CD320: variants seen among roughly 807,000 people sequenced by gnomAD.
CD320 encodes the protein CD320 antigen.
Under a neutral mutation model 22.1 loss-of-function variants are expected in CD320, and 16 were observed. The observed-to-expected ratio is 0.73, with a 90% CI of 0.49 to 1.10. The LOEUF (loss-of-function observed/expected upper bound fraction) is 1.10. Among genes scored for constraint, CD320 ranks in the 50% least tolerant of loss-of-function variants. The pLI is 0.00. For missense variants in CD320, 388 were observed against 376.9 expected (o/e 1.03, Z -0.24); for synonymous variants, 188 against 167.8 (o/e 1.12, Z -0.93).
At chr19:8,308,073 CT>C (rs1196320790) in intron 1 of CD320, 75 bp downstream of exon 1, 2 of 1,350,242 alleles carry the variant, frequency 1.5e-6, no homozygotes, top group African/African-American at 3.1e-5. Context: ...CAGCCAGTGA[CT>C]AGGCGTTGTC....
chr19:8,308,125 C>A (rs751994617), intron 1 of CD320, 24 bp downstream of exon 1: 4 of 1,474,938 alleles, frequency 2.7e-6, no homozygotes, highest in Non-Finnish European at 2.7e-6. Flanking sequence ...GGGGTGGGAG[C>A]CCGCGCTGCG....
intron 2 of CD320, 177 bp downstream of exon 2, chr19:8,304,854 A>G: frequency 1.5e-6 from 1 of 646,374 alleles, no homozygotes; most frequent in Non-Finnish European, 2.7e-6. Context: ...GGCGTGAGCC[A>G]CTGCGCCCAG....
At chr19:8,304,202 T>C (rs1292200701) in intron 2 of CD320, 114 bp from the exon 3 acceptor site, 1 of 641,044 alleles carries the variant, frequency 1.6e-6, no homozygotes, top group South Asian at 1.9e-5. Context: ...CCCAAAAAAA[T>C]GCTCCCTTCC....
At chr19:8,304,224 C>T in intron 2 of CD320, 136 bp from the exon 3 acceptor site, 3 of 617,454 alleles carry the variant, frequency 4.9e-6, no homozygotes, top group Non-Finnish European at 8.9e-6. Context: ...AAGGCTCCGC[C>T]CCCTGCAACT....
At chr19:8,308,097 CG>C in intron 1 of CD320, 51 bp downstream of exon 1, 3 of 1,419,936 alleles carry the variant, frequency 2.1e-6, no homozygotes, top group Non-Finnish European at 2.7e-6. Context: ...TGCGCGGCGG[CG>C]GGGCGAAGCC....
chr19:8,306,517 T>C (rs922388767), intron 1 of CD320, among the ~76,000 whole-genome samples: 1 of 152,062 alleles, frequency 6.6e-6, no homozygotes, highest in Non-Finnish European at 1.5e-5. Context: ...TCCTCCTGGG[T>C]GCGGCCAGGG....
rs984938445 is a variant in CD320, at chr19:8,302,162, C to T, written c.*301G>A. On this transcript the variant is annotated 3_prime_UTR_variant, in exon 5 of 5. Coordinates refer to ENST00000301458, the MANE Select transcript of CD320 (RefSeq NM_016579.4). ...AGCAACTTTAATTGCCACCCTCAGA[C>T]GGGGCAGCAGGAGTGTCTTAAGCAC... The T allele has an allele frequency of 6.4e-5, 36 of 560,886 alleles. 1 individual carries two copies. Among genetic ancestry groups the T allele is most frequent in the African/African-American group, 3.4e-4 (18 of 53,596 alleles). 34.7% of individuals were successfully genotyped at this position (560,886 alleles called of 1,614,324 possible).
rs558056448 is a variant in CD320, at chr19:8,302,977, G to A, written c.506C>T (p.Thr169Ile). ...PDSSDELGCG[T>I]NEILPEGDAT... ...ATCCCCTTCCGGGAGGATCTCATTG[G>A]TTCCTGCAATAAGCCCAGGCGTTCA... The change falls in exon 4 of 5, where the codon ACC (threonine) becomes ATC (isoleucine). Residue 169 changes from threonine to isoleucine, a missense_variant. By Grantham distance (89) the Thr-to-Ile change is moderately conservative. Coordinates refer to ENST00000301458, the MANE Select transcript of CD320 (RefSeq NM_016579.4). The A allele has an allele frequency of 3.6e-5, 58 of 1,613,908 alleles. No homozygotes were observed. Among genetic ancestry groups the A allele is most frequent in the Admixed American group, 3.3e-4 (20 of 59,988 alleles).
chr19:8,302,991 C>T lies in CD320; in HGVS notation c.503-11G>A, dbSNP rs750093192. On this transcript the variant is annotated splice_polypyrimidine_tract_variant and intron_variant, in intron 3 of 4. Coordinates refer to ENST00000301458, the MANE Select transcript of CD320 (RefSeq NM_016579.4). ...GGATCTCATTGGTTCCTGCAATAAG[C>T]CCAGGCGTTCAGTAGTTGAGGAGAG... 12 of 1,612,292 alleles carry T rather than the reference C, an allele frequency of 7.4e-6. No individual in the cohort carries two copies. The African/African-American group carries it at 1.3e-4, about 18-fold the overall frequency.
At chr19:8,303,034 G>A in intron 3 of CD320, 54 bp from the exon 4 acceptor site, 2 of 1,498,126 alleles carry the variant, frequency 1.3e-6, no homozygotes, top group Non-Finnish European at 9.2e-7. Flanking sequence ...AAGGCGTGAG[G>A]GGGCCAGATG....
chr19:8,307,363 A>C (rs1355635027), intron 1 of CD320, among the ~76,000 whole-genome samples: 1 of 150,796 alleles, frequency 6.6e-6, no homozygotes, highest in Non-Finnish European at 1.5e-5. Flanking sequence ...AAAAAAACCC[A>C]GGAACATTTA....
At chr19:8,303,515 C>T (rs373416437) in intron 3 of CD320, among the ~76,000 whole-genome samples, 4 of 152,026 alleles carry the variant, frequency 2.6e-5, no homozygotes, top group Admixed American at 2.0e-4. Flanking sequence ...CAGGTTCAAG[C>T]GGTTCTCCTG....
chr19:8,303,059 T>A, intron 3 of CD320, 79 bp from the exon 4 acceptor site: 1 of 1,259,416 alleles, frequency 7.9e-7, no homozygotes, highest in Non-Finnish European at 1.1e-6. Flanking sequence ...GGGGAGCCCT[T>A]GGGGTTTATC....
Position 8,305,094 on chromosome 19 carries a change from G to T in CD320, c.205C>A (p.Pro69Thr), listed in dbSNP as rs1399001504. ...TCCCTGTCGCAGCGCCAGGTGAGGG[G>T]CACGCATAAGCCACTGGTGCGGCAC... ...FQCRTSGLCV[P>T]LTWRCDRDLD... Residue 69 changes from proline to threonine, a missense_variant, in exon 2 of 5, where the codon CCC becomes ACC. Pro to Thr is a conservative substitution (Grantham distance 38). Transcript: ENST00000301458. 3 of 1,612,904 alleles carry T rather than the reference G, an allele frequency of 1.9e-6. No individual in the cohort carries two copies. The African/African-American group carries it at 4.0e-5, about 22-fold the overall frequency.
At chr19:8,305,375 C>T in intron 1 of CD320, 1 of 517,446 alleles carries the variant, frequency 1.9e-6, no homozygotes, top group Non-Finnish European at 3.5e-6. Context: ...TACTGCACTC[C>T]CCAGGTTACA....
Position 8,302,376 on chromosome 19 carries a change from G to A in CD320, c.*87C>T, listed in dbSNP as rs760391777. 2 of 1,526,034 alleles carry A rather than the reference G, an allele frequency of 1.3e-6. No homozygotes were observed. The highest frequency in any genetic ancestry group is 2.2e-5 in the East Asian group (1 of 44,510). The allele number at this position is 1,526,034 out of a possible 1,614,324, so 94.5% of individuals were successfully genotyped here. A position where few individuals can be genotyped will look rare whatever the true frequency, so the allele number is the denominator to read the frequency against. On this transcript the variant is annotated 3_prime_UTR_variant, in exon 5 of 5. Coordinates refer to ENST00000301458, the MANE Select transcript of CD320 (RefSeq NM_016579.4). The stretch of plus-strand genomic sequence containing the variant: ...GAAGAGCTCAGGTCTCTGAGGGCTG[G>A]TGTGCCCGGGTACCCATCCGCATCA...
At chr19:8,306,874 C>T (rs1313569993) in intron 1 of CD320, among the ~76,000 whole-genome samples, 1 of 152,222 alleles carries the variant, frequency 6.6e-6, no homozygotes, top group Non-Finnish European at 1.5e-5. Flanking sequence ...GACAGTAGAG[C>T]ACAGCAGTCC....
rs2227289 is a variant in CD320 at position 8,302,475 on chromosome 19, G to T, written c.837C>A (p.Thr279=). Reference sequence around the variant, plus strand: ...CAAGTGCTTGTCCTCAGGGCAGCGAGGTCTTCTGTTCTGACAGCAGCAGGG... The same window carrying T: ...CAAGTGCTTGTCCTCAGGGCAGCGATGTCTTCTGTTCTGACAGCAGCAGGG... ...KESLLLSEQK[T]SLP Residue 279 remains threonine (T), a synonymous_variant, in exon 5 of 5, where the codon ACC becomes ACA. Transcript: ENST00000301458. 6.2e-7 allele frequency: 1 copy of T among 1,613,916 alleles called. No homozygotes were observed. The highest frequency in any genetic ancestry group is 1.3e-5 in the African/African-American group (1 of 74,844).
intron 3 of CD320, among the ~76,000 whole-genome samples, 199 bp from the exon 4 acceptor site, chr19:8,303,179 C>A (rs1970036163): frequency 6.7e-6 from 1 of 148,894 alleles, no homozygotes; most frequent in South Asian, 2.1e-4. Context: ...TGCAGTGGCG[C>A]AATATTGGCT....
Sources: allele counts gnomAD v4.1 joint callset (sites outside exome capture counted in the v4.1 genomes callset), GRCh38; gene constraint gnomAD v4.1.1; transcripts MANE v1.5; gene names NCBI Gene and HGNC (gene_info 2026-07-23, HGNC 2026-07-21).